Variants in SMYD3 observed in about 807,000 individuals in gnomAD.
SMYD3 encodes histone-lysine N-methyltransferase SMYD3.
SMYD3 carries 36 observed loss-of-function variants against 57.7 expected under a neutral mutation model. The ratio of observed to expected loss-of-function variants is 0.62; its 90% CI spans 0.48 to 0.82. SMYD3 has a LOEUF of 0.82. Among genes scored for constraint, SMYD3 ranks in the 40% least tolerant of loss-of-function variants. The pLI, the probability that SMYD3 is intolerant of heterozygous loss-of-function variation, is 0.00. For missense variants in SMYD3, 515 were observed against 538.8 expected (o/e 0.96, Z 0.44); for synonymous variants, 211 against 195.0 (o/e 1.08, Z -0.68).
chr1:246,121,457 T>C (rs969166917), intron 5 of SMYD3, among the ~76,000 whole-genome samples: 16 of 145,436 alleles, frequency 1.1e-4, no homozygotes, highest in African/African-American at 4.1e-4. Context: ...AAAAAAAGCT[T>C]TCCTAATTAT....
chr1:246,028,903 A>G (rs1455466352), intron 5 of SMYD3, among the ~76,000 whole-genome samples: 1 of 152,226 alleles, frequency 6.6e-6, no homozygotes, highest in Admixed American at 6.5e-5. Context: ...ATTAGCATAG[A>G]ATAGAGAACC....
intron 1 of SMYD3, among the ~76,000 whole-genome samples, chr1:246,367,969 T>C (rs1323820335): frequency 6.6e-6 from 1 of 152,162 alleles, no homozygotes; most frequent in East Asian, 1.9e-4. Flanking sequence ...GAACGGAGTG[T>C]CATATCAAAG....
chr1:246,149,625 G>A lies in SMYD3; in HGVS notation c.531+177576C>T, dbSNP rs568889948. On this transcript the variant is annotated intron_variant, in intron 5 of 11. Transcript: ENST00000490107. ...TATTATTTTAATGAATTCAAAAGCC[G>A]GAAGCATTATTGAGATGAGCAGTGT... 8.5e-5 allele frequency among the ~76,000 whole-genome samples: 13 copies of A among 152,212 alleles called. 1 individual carries two copies. The highest frequency in any genetic ancestry group is 6.2e-4 in the South Asian group (3 of 4,816).
intron 5 of SMYD3, among the ~76,000 whole-genome samples, chr1:246,293,279 C>G (rs1372079860): frequency 6.6e-6 from 1 of 152,146 alleles, no homozygotes; most frequent in Non-Finnish European, 1.5e-5. Context: ...GTCTGAACAA[C>G]AAATCATTCG....
intron 1 of SMYD3, among the ~76,000 whole-genome samples, chr1:246,410,619 G>A (rs2066949450): frequency 6.6e-6 from 1 of 152,130 alleles, no homozygotes; most frequent in South Asian, 2.1e-4. Context: ...CAAGGATATT[G>A]GGTAAAATTC....
intron 5 of SMYD3, among the ~76,000 whole-genome samples, chr1:246,027,711 G>T (rs2059601409): frequency 6.6e-6 from 1 of 152,224 alleles, no homozygotes; most frequent in South Asian, 2.1e-4. Flanking sequence ...AGATGTACAA[G>T]AAGACGAATG....
intron 1 of SMYD3, among the ~76,000 whole-genome samples, chr1:246,455,126 A>G (rs2103032516): frequency 6.6e-6 from 1 of 152,304 alleles, no homozygotes; most frequent in South Asian, 2.1e-4. Flanking sequence ...TTTTTAAATA[A>G]AGACACAGTC....
At chr1:245,977,639 A>G (rs1288483837) in intron 5 of SMYD3, among the ~76,000 whole-genome samples, 2 of 152,216 alleles carry the variant, frequency 1.3e-5, no homozygotes, top group African/African-American at 4.8e-5. Flanking sequence ...AGATCGTGCC[A>G]CTGCATTCCA....
At chr1:246,194,665 T>C (rs968854407) in intron 5 of SMYD3, among the ~76,000 whole-genome samples, 1 of 152,236 alleles carries the variant, frequency 6.6e-6, no homozygotes, top group Admixed American at 6.5e-5. Flanking sequence ...TAACCACATG[T>C]AGCTATTTAA....
intron 5 of SMYD3, among the ~76,000 whole-genome samples, chr1:246,065,105 GTCC>G (rs1420292341): frequency 6.6e-5 from 10 of 152,330 alleles, no homozygotes; most frequent in African/African-American, 2.4e-4. Context: ...TGAGAACACT[GTCC>G]CATTGTTTAG....
chr1:246,240,534 A>G (rs1234885051), intron 5 of SMYD3, among the ~76,000 whole-genome samples: 1 of 151,944 alleles, frequency 6.6e-6, no homozygotes, highest in African/African-American at 2.4e-5. Flanking sequence ...TGATGCCTCC[A>G]GCTTTGTTCT....
chr1:245,876,965 C>T (rs977833463), intron 8 of SMYD3, among the ~76,000 whole-genome samples: 5 of 151,860 alleles, frequency 3.3e-5, no homozygotes, highest in Non-Finnish European at 7.4e-5. Flanking sequence ...TCTGCCTGGC[C>T]GGGATTTAGG....
At chr1:246,429,580 G>A (rs2067270120) in intron 1 of SMYD3, among the ~76,000 whole-genome samples, 2 of 152,164 alleles carry the variant, frequency 1.3e-5, no homozygotes, top group Admixed American at 1.3e-4. Flanking sequence ...TCTATACACA[G>A]GCTGAGAAAT....
intron 5 of SMYD3, among the ~76,000 whole-genome samples, chr1:246,316,546 T>G (rs865821562): frequency 0.015 from 2,187 of 144,318 alleles, 34 homozygotes; most frequent in African/African-American, 0.037. Context: ...TTTTGGTTTT[T>G]TTTTTTTTTT....
chr1:246,213,057 C>CT (rs1038469943), intron 5 of SMYD3, among the ~76,000 whole-genome samples: 9 of 152,178 alleles, frequency 5.9e-5, no homozygotes, highest in Admixed American at 4.6e-4. Flanking sequence ...TGCTAACCCT[C>CT]TACCATCAGA....
intron 10 of SMYD3, among the ~76,000 whole-genome samples, chr1:245,841,803 A>G (rs2050416912): frequency 1.3e-5 from 2 of 152,178 alleles, no homozygotes; most frequent in South Asian, 2.1e-4. Flanking sequence ...TTTCTTTTCT[A>G]CTGATACCTC....
intron 10 of SMYD3, among the ~76,000 whole-genome samples, chr1:245,837,509 C>T (rs12062060): frequency 0.24 from 35,966 of 151,898 alleles, 5,460 homozygotes; most frequent in East Asian, 0.66. Context: ...GTCCTGCAGT[C>T]GTGGGAGATG....
chr1:246,076,802 C>T lies in SMYD3; in HGVS notation c.532-146865G>A, dbSNP rs577947622. Among the ~76,000 whole-genome samples, 6 of 152,000 alleles carry T rather than the reference C, an allele frequency of 3.9e-5. No individual in the cohort carries two copies. The East Asian group carries it at 9.7e-4, about 24-fold the overall frequency. ...TATTTATTGAATGTCTTTATTGTCA[C>T]ACAGTATTTATTGAAATACTATCAT... On this transcript the variant is annotated intron_variant, in intron 5 of 11. Transcript: ENST00000490107.
intron 5 of SMYD3, among the ~76,000 whole-genome samples, chr1:245,980,640 G>A (rs2058573365): frequency 6.6e-6 from 1 of 152,212 alleles, no homozygotes; most frequent in Admixed American, 6.5e-5. Flanking sequence ...TTAAACCAAG[G>A]TGGAAAAAAT....
Sources: gnomAD v4.1 joint callset for allele counts (sites outside exome capture counted in the v4.1 genomes callset) on GRCh38, gnomAD v4.1.1 for gene constraint, MANE v1.5 for transcripts, NCBI Gene and HGNC (gene_info 2026-07-23, HGNC 2026-07-21) for gene names.